PARM1: variants seen among roughly 807,000 people sequenced by gnomAD.
The protein encoded by PARM1 is WSC4, cell wall integrity and stress response component 4 homolog.
A neutral mutation model predicts 24.6 loss-of-function variants in PARM1; 14 were observed. The ratio of observed to expected loss-of-function variants is 0.57; its 90% CI spans 0.38 to 0.89. The LOEUF is 0.89. PARM1 is among the 40% of genes least tolerant of loss of function. The pLI, the probability that PARM1 is intolerant of heterozygous loss-of-function variation, is 0.00. For missense variants in PARM1, 362 were observed against 380.4 expected, an observed-to-expected ratio of 0.95 and a Z score of 0.40; for synonymous variants, 179 against 156.6, an observed-to-expected ratio of 1.14 and a Z score of -1.07.
intron 1 of PARM1, among the ~76,000 whole-genome samples, chr4:75,012,212 C>T (rs1722883405): frequency 6.6e-6 from 1 of 152,188 alleles, no homozygotes; most frequent in African/African-American, 2.4e-5. Context: ...ATTGTTCTTA[C>T]TGAGTTTCGG....
chr4:74,998,890 CT>C (rs916282373), intron 1 of PARM1, among the ~76,000 whole-genome samples: 3 of 152,236 alleles, frequency 2.0e-5, no homozygotes, highest in African/African-American at 7.2e-5. Flanking sequence ...CCCGAAGGCT[CT>C]CCTGGAGTCT....
chr4:74,976,632 G>C (rs1476578386), intron 1 of PARM1, among the ~76,000 whole-genome samples: 1 of 152,216 alleles, frequency 6.6e-6, no homozygotes, highest in East Asian at 1.9e-4. Context: ...CACTGATCTG[G>C]TGCCTCCTGA....
chr4:75,021,302 T>C (rs1260278599), intron 2 of PARM1, among the ~76,000 whole-genome samples: 1 of 152,228 alleles, frequency 6.6e-6, no homozygotes, highest in Non-Finnish European at 1.5e-5. Context: ...CTAAAGGACT[T>C]TCTGCTGCCC....
At chr4:74,947,065 A>G (rs1409170042) in intron 1 of PARM1, among the ~76,000 whole-genome samples, 2 of 152,212 alleles carry the variant, frequency 1.3e-5, no homozygotes, top group Non-Finnish European at 2.9e-5. Context: ...TGCATTACCT[A>G]CTGAGTTAGT....
At chr4:75,019,294 T>C (rs890089760) in intron 2 of PARM1, among the ~76,000 whole-genome samples, 3 of 152,230 alleles carry the variant, frequency 2.0e-5, no homozygotes, top group Non-Finnish European at 4.4e-5. Context: ...AGGGATTAAC[T>C]GACATTGCAA....
At chr4:74,958,559 G>A (rs931351757) in intron 1 of PARM1, among the ~76,000 whole-genome samples, 18 of 152,174 alleles carry the variant, frequency 1.2e-4, no homozygotes, top group Non-Finnish European at 2.4e-4. Context: ...AAGGTCCAGT[G>A]TCCACAAGAA....
intron 2 of PARM1, among the ~76,000 whole-genome samples, chr4:75,025,141 G>C (rs575431945): frequency 2.6e-5 from 4 of 152,192 alleles, no homozygotes; most frequent in African/African-American, 9.7e-5. Context: ...TGAGCAAGAC[G>C]GTGGCATGCT....
chr4:75,044,660 G>A (rs1723563039), intron 3 of PARM1, among the ~76,000 whole-genome samples: 1 of 152,116 alleles, frequency 6.6e-6, no homozygotes, highest in Admixed American at 6.5e-5. Flanking sequence ...GGGAGTCTGG[G>A]GTGGGGGTTG....
chr4:74,954,636 G>A (rs189909508), intron 1 of PARM1, among the ~76,000 whole-genome samples: 90 of 152,212 alleles, frequency 5.9e-4, no homozygotes, highest in African/African-American at 1.5e-3. Context: ...AGCATCGTGC[G>A]CATCATGTTC....
At position 75,044,808 on chromosome 4, in the gene PARM1, G is replaced by A. The variant is rs537996849; in HGVS notation, c.849-1355G>A. 2.4e-4 allele frequency among the ~76,000 whole-genome samples: 37 copies of A among 152,268 alleles called. No individual in the cohort carries two copies. The East Asian group carries it at 5.4e-3, about 22-fold the overall frequency. ...GCTGGGGAAGCCTCAAAATCATGGCGGAAGGCAAGGAGGCACAAGTCACAT... is the reference window on the plus strand; with the variant it reads ...GCTGGGGAAGCCTCAAAATCATGGCAGAAGGCAAGGAGGCACAAGTCACAT... On this transcript the variant is annotated intron_variant, in intron 3 of 3. Transcript: ENST00000307428.
At chr4:74,951,964 T>G (rs1721534193) in intron 1 of PARM1, among the ~76,000 whole-genome samples, 1 of 152,254 alleles carries the variant, frequency 6.6e-6, no homozygotes, top group African/African-American at 2.4e-5. Context: ...GTAATGGGAT[T>G]GCTGGGTCAA....
intron 3 of PARM1, among the ~76,000 whole-genome samples, chr4:75,039,383 A>T (rs973448325): frequency 6.6e-6 from 1 of 152,072 alleles, no homozygotes; most frequent in Non-Finnish European, 1.5e-5. Flanking sequence ...TACAAAAAAA[A>T]ATTAGCTGGC....
intron 1 of PARM1, among the ~76,000 whole-genome samples, chr4:74,954,906 C>T (rs1391695283): frequency 1.3e-5 from 2 of 152,142 alleles, no homozygotes; most frequent in Non-Finnish European, 2.9e-5. Context: ...AGGCAATTAG[C>T]TGGGAGCTGT....
At chr4:75,027,902 G>A (rs72660386) in intron 2 of PARM1, among the ~76,000 whole-genome samples, 18,483 of 152,236 alleles carry the variant, frequency 0.12, 1,676 homozygotes, top group African/African-American at 0.25. Context: ...TTATTTAAAA[G>A]CAGTTGAGGA....
intron 1 of PARM1, among the ~76,000 whole-genome samples, chr4:74,980,632 C>A (rs1279902888): frequency 6.6e-6 from 1 of 152,080 alleles, no homozygotes; most frequent in African/African-American, 2.4e-5. Context: ...CATATGGAAT[C>A]AAAAAATAGC....
intron 1 of PARM1, chr4:74,966,712 A>AT (rs1721910457): frequency 6.6e-6 from 1 of 152,182 alleles, no homozygotes; most frequent in Non-Finnish European, 1.5e-5. Context: ...TCTGGTTCGA[A>AT]TTTGAGTGGT....
At chr4:74,982,174 T>G (rs2109773039) in intron 1 of PARM1, among the ~76,000 whole-genome samples, 1 of 152,274 alleles carries the variant, frequency 6.6e-6, no homozygotes, top group Non-Finnish European at 1.5e-5. Flanking sequence ...AGCCATTATT[T>G]TCTGCAAACT....
At chr4:74,983,922 G>A (rs549074967) in intron 1 of PARM1, among the ~76,000 whole-genome samples, 1 of 152,136 alleles carries the variant, frequency 6.6e-6, no homozygotes, top group South Asian at 2.1e-4. Flanking sequence ...TGAACTCCTG[G>A]GCTCCAGTGA....
chr4:74,979,650 CACA>C (rs1336588329), intron 1 of PARM1, among the ~76,000 whole-genome samples: 2 of 152,080 alleles, frequency 1.3e-5, no homozygotes, highest in South Asian at 2.1e-4. Flanking sequence ...CAGGCAGAGA[CACA>C]ACAACAACAC....
Sources: gnomAD v4.1 joint callset for allele counts (sites outside exome capture counted in the v4.1 genomes callset) on GRCh38, gnomAD v4.1.1 for gene constraint, MANE v1.5 for transcripts, NCBI Gene and HGNC (gene_info 2026-07-23, HGNC 2026-07-21) for gene names.